The following SLCO2A1 variants were observed in gnomAD, a reference collection of about 807,000 sequenced individuals.
The protein encoded by SLCO2A1 is matrin F/G 1.
In SLCO2A1, 60 loss-of-function variants were observed where a neutral mutation model predicts 71.7. That is an observed-to-expected ratio of 0.84 (90% CI 0.68 to 1.04). The LOEUF (loss-of-function observed/expected upper bound fraction) is 1.04. Ranked by LOEUF, SLCO2A1 falls within the 50% of genes least tolerant of loss-of-function variation. SLCO2A1 has a pLI of 0.00. For synonymous variants in SLCO2A1, 308 were observed against 326.7 expected (o/e 0.94, Z 0.62); for missense variants, 745 against 813.4 (o/e 0.92, Z 1.02).
intron 11 of SLCO2A1, among the ~76,000 whole-genome samples, chr3:133,939,867 C>T (rs766718509): frequency 6.6e-6 from 1 of 152,052 alleles, no homozygotes; most frequent in Non-Finnish European, 1.5e-5. Context: ...TCTCCTTCCA[C>T]GTTTTCAGCT....
chr3:133,948,377 C>T (rs1056301917), intron 8 of SLCO2A1, among the ~76,000 whole-genome samples, 159 bp downstream of exon 8: 1 of 152,226 alleles, frequency 6.6e-6, no homozygotes, highest in African/African-American at 2.4e-5. Context: ...AGATTGCCAA[C>T]CAGGAAAACT....
chr3:134,010,101 C>A (rs1935301977), intron 1 of SLCO2A1, among the ~76,000 whole-genome samples: 1 of 152,208 alleles, frequency 6.6e-6, no homozygotes, highest in Non-Finnish European at 1.5e-5. Flanking sequence ...GCATTCACAA[C>A]TAAATATCCA....
At chr3:133,975,860 C>T (rs1386193962) in intron 2 of SLCO2A1, among the ~76,000 whole-genome samples, 1 of 152,188 alleles carries the variant, frequency 6.6e-6, no homozygotes, top group Non-Finnish European at 1.5e-5. Context: ...CACCTACATC[C>T]CCAACACTGA....
Position 133,945,258 on chromosome 3 carries a change from G to A in SLCO2A1, c.1298C>T (p.Thr433Ile). ...AGACTGCGGATGTATAGAACTTGAT[G>A]TGCTGCCAGCAAAAGAGGAAACGGG... ...PTVAEVYPPS[T>I]SSSIHPQSPA... The change falls in exon 10 of 14, where the codon ACA (threonine) becomes ATA (isoleucine). Residue 433 changes from threonine to isoleucine, a missense_variant and splice_region_variant. Thr to Ile is a moderately conservative substitution (Grantham distance 89). Transcript: ENST00000310926. 6.2e-7 allele frequency: 1 copy of A among 1,601,830 alleles called. No homozygotes were observed. The highest frequency in any genetic ancestry group is 8.5e-7 in the Non-Finnish European group (1 of 1,176,054).
intron 1 of SLCO2A1, among the ~76,000 whole-genome samples, chr3:134,027,288 C>T (rs1410133599): frequency 6.6e-6 from 1 of 152,148 alleles, no homozygotes; most frequent in Admixed American, 6.5e-5. Flanking sequence ...GCAGACAGCC[C>T]GGAGCCGCAC....
chr3:134,017,844 AAAG>A (rs1241145957), intron 1 of SLCO2A1, among the ~76,000 whole-genome samples: 4 of 152,140 alleles, frequency 2.6e-5, no homozygotes, highest in African/African-American at 4.8e-5. Flanking sequence ...AAGCAAGACA[AAAG>A]AAGGCAAAGG....
intron 6 of SLCO2A1, 31 bp downstream of exon 6, chr3:133,951,177 C>T (rs200203170): frequency 6.2e-7 from 1 of 1,613,684 alleles, no homozygotes; most frequent in Non-Finnish European, 8.5e-7. Context: ...TCAACTCCAT[C>T]AGGTAGAGTC....
intron 3 of SLCO2A1, among the ~76,000 whole-genome samples, chr3:133,971,140 G>C (rs777521674): frequency 3.3e-5 from 5 of 152,208 alleles, no homozygotes; most frequent in Non-Finnish European, 5.9e-5. Flanking sequence ...CCTCGGCCTG[G>C]CCACAGTGCC....
chr3:133,963,307 T>A (rs1435964292), intron 3 of SLCO2A1, among the ~76,000 whole-genome samples: 1 of 152,136 alleles, frequency 6.6e-6, no homozygotes, highest in Non-Finnish European at 1.5e-5. Context: ...ATGCCGGTGT[T>A]CAAAGCCACA....
chr3:133,961,327 C>T (rs566921780), intron 3 of SLCO2A1, among the ~76,000 whole-genome samples: 1 of 152,154 alleles, frequency 6.6e-6, no homozygotes, highest in African/African-American at 2.4e-5. Flanking sequence ...AGGGGCATGA[C>T]ATGAGAAACA....
intron 1 of SLCO2A1, chr3:133,998,718 T>A (rs1044543199): frequency 6.6e-6 from 1 of 152,274 alleles, no homozygotes; most frequent in Non-Finnish European, 1.5e-5. Flanking sequence ...TGGCAAATTC[T>A]TGCAACCACC....
At chr3:134,025,920 C>T (rs1935692908) in intron 1 of SLCO2A1, among the ~76,000 whole-genome samples, 1 of 152,124 alleles carries the variant, frequency 6.6e-6, no homozygotes, top group Admixed American at 6.5e-5. Context: ...TGTGCCAGTA[C>T]CAGAAATTCC....
intron 1 of SLCO2A1, among the ~76,000 whole-genome samples, chr3:133,988,298 A>T (rs146430832): frequency 2.0e-4 from 30 of 152,282 alleles, no homozygotes; most frequent in Admixed American, 5.2e-4. Context: ...GGTCTCCATA[A>T]TCCTTTATTT....
chr3:133,945,037 C>T (rs1316109849), intron 10 of SLCO2A1, 58 bp downstream of exon 10: 10 of 1,552,068 alleles, frequency 6.4e-6, no homozygotes, highest in African/African-American at 5.5e-5. Context: ...TGAGGGCATG[C>T]GCTGAGCTCC....
chr3:134,029,529 CACACACACTCGCACACACACGCCCAG>C (rs1935777960), intron 1 of SLCO2A1, among the ~76,000 whole-genome samples, 152 bp downstream of exon 1: 1 of 134,974 alleles, frequency 7.4e-6, no homozygotes, highest in Non-Finnish European at 1.5e-5. Flanking sequence ...CACACGCTCA[CACACACACTCGCACACACACGCCCAG>C]CACGCGTCGC....
intron 1 of SLCO2A1, among the ~76,000 whole-genome samples, chr3:134,013,671 T>G (rs1245489436): frequency 6.6e-6 from 1 of 152,146 alleles, no homozygotes; most frequent in Admixed American, 6.5e-5. Flanking sequence ...CAAACTCAAT[T>G]CACTCCACCT....
At chr3:133,987,434 G>T (rs756685707) in intron 1 of SLCO2A1, among the ~76,000 whole-genome samples, 1 of 151,694 alleles carries the variant, frequency 6.6e-6, no homozygotes, top group Non-Finnish European at 1.5e-5. Flanking sequence ...CCTTTCTATT[G>T]TTCCCAGGTC....
chr3:133,978,752 CTA>C, intron 2 of SLCO2A1, among the ~76,000 whole-genome samples: 1 of 152,266 alleles, frequency 6.6e-6, no homozygotes, highest in South Asian at 2.1e-4. Flanking sequence ...TGTCTCCAGA[CTA>C]TGGAGACAGG....
intron 9 of SLCO2A1, among the ~76,000 whole-genome samples, chr3:133,946,512 A>G (rs527535506): frequency 3.7e-4 from 56 of 152,274 alleles, no homozygotes; most frequent in Non-Finnish European, 5.6e-4. Context: ...CTAATTTTTC[A>G]AGTCTGCCAT....
Sources: gnomAD v4.1 joint callset for allele counts (sites outside exome capture counted in the v4.1 genomes callset) on GRCh38, gnomAD v4.1.1 for gene constraint, MANE v1.5 for transcripts, NCBI Gene and HGNC (gene_info 2026-07-23, HGNC 2026-07-21) for gene names.